Variants in SIMC1 observed in about 807,000 individuals in gnomAD.
The protein encoded by SIMC1 is SUMO-interacting motif-containing protein 1.
Under a neutral mutation model 82.3 loss-of-function variants are expected in SIMC1, and 55 were observed. That is an observed-to-expected ratio of 0.67 (90% CI 0.54 to 0.84). SIMC1 has a LOEUF of 0.84. Ranked by LOEUF, SIMC1 falls within the 40% of genes least tolerant of loss-of-function variation. The probability of loss-of-function intolerance (pLI) is 0.00; values close to 1 mark genes in which losing one functional copy is unlikely to be tolerated. For synonymous variants in SIMC1, 353 were observed against 426.3 expected (o/e 0.83, Z 2.12); for missense variants, 915 against 1,107.2 (o/e 0.83, Z 2.46).
chr5:176,321,079 A>G (rs962365632), intron 5 of SIMC1, among the ~76,000 whole-genome samples: 5 of 152,180 alleles, frequency 3.3e-5, no homozygotes, highest in African/African-American at 1.2e-4. Flanking sequence ...CCAGGTGATC[A>G]TCATTCTGCA....
At position 176,299,923 on chromosome 5, in the gene SIMC1, A is replaced by G. The variant is rs530899790; in HGVS notation, c.1734+3603A>G. On this transcript the variant is annotated intron_variant, in intron 4 of 9. Coordinates refer to ENST00000429602, the MANE Select transcript of SIMC1 (RefSeq NM_001308195.2). ...AATGTAAAAACATCAATATTATACT[A>G]AGTATCTTCCAATCACAATGGGATG... Among the ~76,000 whole-genome samples, 342 of 152,336 alleles carry G rather than the reference A, an allele frequency of 2.2e-3. 1 individual carries two copies. Among genetic ancestry groups the G allele is most frequent in the African/African-American group, 8.0e-3 (334 of 41,570 alleles).
chr5:176,318,224 C>T (rs879734480), intron 5 of SIMC1, among the ~76,000 whole-genome samples: 8 of 152,232 alleles, frequency 5.3e-5, no homozygotes, highest in Admixed American at 3.3e-4. Context: ...TCATCTGCCA[C>T]GCAGAAAAAG....
In SIMC1 at chr5:176,277,532, G is replaced by A. The variant is rs563364248; in HGVS notation, c.130-12122G>A. On this transcript the variant is annotated intron_variant, in intron 1 of 9. Transcript: ENST00000429602. ...ACGTGAAGTCCTTGCCCATGCCTAT[G>A]TCCTGAATGGTAATGCCTAGGTTTT... Among the ~76,000 whole-genome samples the A allele has an allele frequency of 1.4e-3, 214 of 152,102 alleles. 2 individuals are homozygous for A. Among genetic ancestry groups the A allele is most frequent in the Middle Eastern group, 6.8e-3 (2 of 294 alleles).
chr5:176,318,255 C>T (rs1263731661), intron 5 of SIMC1, among the ~76,000 whole-genome samples: 1 of 152,150 alleles, frequency 6.6e-6, no homozygotes, highest in African/African-American at 2.4e-5. Context: ...GGCAAGGTTG[C>T]AAAGGGAGAA....
intron 5 of SIMC1, among the ~76,000 whole-genome samples, chr5:176,321,885 C>CTTTTTTTT (rs11418187): frequency 7.6e-4 from 69 of 90,724 alleles, no homozygotes; most frequent in African/African-American, 1.1e-3. Context: ...TTTTAGTTAG[C>CTTTTTTTT]TTTTTTTTTT....
In SIMC1 at chr5:176,253,077, G is replaced by A. The variant is rs1286233165; in HGVS notation, c.129+14440G>A. ...TCAGGCAGGGAGGTTGCAGTGAGCCGAGATGGCAGCAGTACAGTCCAGCTT... is the reference window on the plus strand; with the variant it reads ...TCAGGCAGGGAGGTTGCAGTGAGCCAAGATGGCAGCAGTACAGTCCAGCTT... On this transcript the variant is annotated intron_variant, in intron 1 of 9. Coordinates refer to ENST00000429602, the MANE Select transcript of SIMC1 (RefSeq NM_001308195.2). Among the ~76,000 whole-genome samples, 9 of 152,336 alleles carry A rather than the reference G, an allele frequency of 5.9e-5. No individual in the cohort carries two copies. In the South Asian group the frequency reaches 8.3e-4, roughly 14 times the overall value.
intron 7 of SIMC1, among the ~76,000 whole-genome samples, chr5:176,335,743 C>G (rs1765862768): frequency 6.6e-6 from 1 of 151,428 alleles, no homozygotes; most frequent in Non-Finnish European, 1.5e-5. Flanking sequence ...AAAATAGTTT[C>G]AAATAAAAAA....
At chr5:176,327,050 G>A (rs1220369005) in intron 7 of SIMC1, among the ~76,000 whole-genome samples, 1 of 152,172 alleles carries the variant, frequency 6.6e-6, no homozygotes, top group Non-Finnish European at 1.5e-5. Flanking sequence ...TGAATACCAT[G>A]CTTGCTCTAA....
chr5:176,306,554 T>C (rs1318204623), intron 4 of SIMC1, among the ~76,000 whole-genome samples: 1 of 150,872 alleles, frequency 6.6e-6, no homozygotes, highest in Admixed American at 6.6e-5. Context: ...GAGTTTTCAT[T>C]TTGTTCTGCA....
intron 9 of SIMC1, among the ~76,000 whole-genome samples, chr5:176,338,342 A>C (rs1235341595): frequency 6.6e-6 from 1 of 152,198 alleles, no homozygotes. Flanking sequence ...AAGAAGTCAT[A>C]AATGGGGAGA....
chr5:176,264,588 G>A (rs1414594453), intron 1 of SIMC1, among the ~76,000 whole-genome samples: 3 of 151,520 alleles, frequency 2.0e-5, no homozygotes, highest in Non-Finnish European at 4.4e-5. Flanking sequence ...TAGGCCTCTA[G>A]GCCTTTTTCC....
intron 4 of SIMC1, among the ~76,000 whole-genome samples, chr5:176,311,691 A>G (rs185691770): frequency 6.6e-6 from 1 of 152,278 alleles, no homozygotes; most frequent in Non-Finnish European, 1.5e-5. Flanking sequence ...AAACAAAAAA[A>G]CTTCACAAGA....
intron 4 of SIMC1, among the ~76,000 whole-genome samples, chr5:176,307,724 G>A (rs1410834680): frequency 6.6e-6 from 1 of 152,104 alleles, no homozygotes; most frequent in Non-Finnish European, 1.5e-5. Flanking sequence ...TTAAACTTTT[G>A]TTAAAAGAAA....
chr5:176,345,162 T>C (rs775060034), intron 9 of SIMC1, 21 bp from the exon 10 acceptor site: 15 of 1,605,068 alleles, frequency 9.3e-6, no homozygotes, highest in Non-Finnish European at 4.3e-6. Flanking sequence ...AGCACCCAAC[T>C]GACTTTTTTC....
At chr5:176,264,734 A>C (rs930823635) in intron 1 of SIMC1, among the ~76,000 whole-genome samples, 4 of 151,502 alleles carry the variant, frequency 2.6e-5, no homozygotes, top group Non-Finnish European at 5.9e-5. Flanking sequence ...CTTTCCTTTT[A>C]ATTTTAAGTT....
In SIMC1 at chr5:176,309,901, C is replaced by T. The variant is rs530617415; in HGVS notation, c.1735-3790C>T. On this transcript the variant is annotated intron_variant, in intron 4 of 9. Transcript: ENST00000429602. ...GGTGAGCTATGATCACACCACCACA[C>T]TCCAACCTGTGTAACAGAGTGAGGC... 2.4e-4 allele frequency among the ~76,000 whole-genome samples: 36 copies of T among 152,226 alleles called. No homozygotes were observed. In the South Asian group the frequency reaches 7.5e-3, roughly 32 times the overall value.
At chr5:176,305,601 G>A (rs1208381692) in intron 4 of SIMC1, among the ~76,000 whole-genome samples, 7 of 141,788 alleles carry the variant, frequency 4.9e-5, no homozygotes, top group South Asian at 2.2e-4. Flanking sequence ...CCCTCCGCCC[G>A]GCCAACCCCC....
chr5:176,309,822 TC>T lies in SIMC1; in HGVS notation c.1735-3866del, dbSNP rs1764587150. ...TGGGCACCATGACACACACCAGTAG[TC>T]CCAGCTACTAGGGAGGCAGGAGGAT... On this transcript the variant is annotated intron_variant, in intron 4 of 9. Transcript: ENST00000429602. 1.3e-5 allele frequency among the ~76,000 whole-genome samples: 2 copies of T among 152,022 alleles called. 1 individual carries two copies. Among genetic ancestry groups the T allele is most frequent in the Non-Finnish European group, 2.9e-5 (2 of 68,018 alleles).
chr5:176,272,738 A>T lies in SIMC1; in HGVS notation c.130-16916A>T, dbSNP rs114273137. Reference sequence around the variant, plus strand: ...TGGAAAATGGGGTCACTCCACCCTAATACTGTGCTTTTCCAATGGTCTTAG... The same window carrying T: ...TGGAAAATGGGGTCACTCCACCCTATTACTGTGCTTTTCCAATGGTCTTAG... On this transcript the variant is annotated intron_variant, in intron 1 of 9. Coordinates refer to ENST00000429602, the MANE Select transcript of SIMC1 (RefSeq NM_001308195.2). 2.8e-3 allele frequency among the ~76,000 whole-genome samples: 434 copies of T among 152,330 alleles called. 1 individual carries two copies. The highest frequency in any genetic ancestry group is 0.01 in the Middle Eastern group (3 of 294).
Sources: allele counts gnomAD v4.1 joint callset (sites outside exome capture counted in the v4.1 genomes callset), GRCh38; gene constraint gnomAD v4.1.1; transcripts MANE v1.5; gene names NCBI Gene and HGNC (gene_info 2026-07-23, HGNC 2026-07-21).